Variants in PODXL observed in about 807,000 individuals in gnomAD.
PODXL encodes podocalyxin.
PODXL carries 20 observed loss-of-function variants against 48.9 expected under a neutral mutation model. That is an observed-to-expected ratio of 0.41 (90% CI 0.29 to 0.59). The LOEUF (loss-of-function observed/expected upper bound fraction) is 0.59, where lower values mean the gene tolerates loss of function less well. Ranked by LOEUF, PODXL falls within the 20% of genes least tolerant of loss-of-function variation. The probability of loss-of-function intolerance (pLI) is 0.31; values close to 1 mark genes in which losing one functional copy is unlikely to be tolerated. For missense variants in PODXL, 606 were observed against 675.1 expected, an observed-to-expected ratio of 0.90 and a Z score of 1.13; for synonymous variants, 295 against 287.4, an observed-to-expected ratio of 1.03 and a Z score of -0.27.
At position 131,500,412 on chromosome 7, in the gene PODXL, A is replaced by ACAT. The variant is rs1267399858; in HGVS notation, c.*3896_*3898dup. 1.3e-5 allele frequency: 2 copies of ACAT among 152,670 alleles called. No individual in the cohort carries two copies. The highest frequency in any genetic ancestry group is 3.8e-4 in the East Asian group (2 of 5,202). The allele number at this position is 152,670 out of a possible 1,614,324, so 9.5% of individuals were successfully genotyped here. ...GTACTTCAGACCCCTGTCCACTAAG[A>ACAT]CATATATGATCCCCCAGTTCCTGGG... On this transcript the variant is annotated 3_prime_UTR_variant, in exon 9 of 9. Coordinates refer to ENST00000378555, the MANE Select transcript of PODXL (RefSeq NM_001018111.3).
intron 1 of PODXL, among the ~76,000 whole-genome samples, chr7:131,522,122 C>G (rs1216548796): frequency 1.3e-5 from 2 of 152,214 alleles, no homozygotes; most frequent in Non-Finnish European, 2.9e-5. Flanking sequence ...GTCCCCTCCC[C>G]TGTTCCACAA....
At chr7:131,543,501 T>C (rs1418211349) in intron 1 of PODXL, among the ~76,000 whole-genome samples, 1 of 152,062 alleles carries the variant, frequency 6.6e-6, no homozygotes, top group Non-Finnish European at 1.5e-5. Context: ...ATGTTACAGC[T>C]AGAGGAAGCC....
At chr7:131,538,192 C>A (rs1043609018) in intron 1 of PODXL, among the ~76,000 whole-genome samples, 5 of 152,092 alleles carry the variant, frequency 3.3e-5, no homozygotes, top group Non-Finnish European at 7.4e-5. Context: ...GGAGGATGAC[C>A]CCCCTACCCC....
At position 131,500,559 on chromosome 7, in the gene PODXL, C is replaced by T. The variant is rs1797682179; in HGVS notation, c.*3752G>A. 1 of 152,424 alleles carries T rather than the reference C, an allele frequency of 6.6e-6. No homozygotes were observed. The highest frequency in any genetic ancestry group is 6.5e-5 in the Admixed American group (1 of 15,286). The allele number at this position is 152,424 out of a possible 1,614,324, so 9.4% of individuals were successfully genotyped here. On this transcript the variant is annotated 3_prime_UTR_variant, in exon 9 of 9. Coordinates refer to ENST00000378555, the MANE Select transcript of PODXL (RefSeq NM_001018111.3). ...AGTGACCGTGACAAAAGCTATGCTA[C>T]AGTTTTACTCTTGCCCTCTCTGCCT...
chr7:131,533,129 C>T (rs897408029), intron 1 of PODXL, among the ~76,000 whole-genome samples: 3 of 152,220 alleles, frequency 2.0e-5, no homozygotes, highest in Non-Finnish European at 4.4e-5. Context: ...GGGTCCCCAA[C>T]GTGCGCCCCT....
chr7:131,526,507 GA>G (rs35150183), intron 1 of PODXL, among the ~76,000 whole-genome samples: 76 of 144,970 alleles, frequency 5.2e-4, no homozygotes, highest in African/African-American at 1.5e-3. Context: ...GCATTTTACA[GA>G]AAAAAAAAAA....
rs1244245303 is a variant in PODXL, at chr7:131,502,311, T to TG, written c.*1999dup. 1 of 152,238 alleles carries TG rather than the reference T, an allele frequency of 6.6e-6. No homozygotes were observed. The highest frequency in any genetic ancestry group is 1.5e-5 in the Non-Finnish European group (1 of 68,066). 9.4% of individuals were successfully genotyped at this position (152,238 alleles called of 1,614,324 possible). ...CCCAAACAGGCACTGTTCTCCATCC[T>TG]GCCCACCTCCAAACACTAGAGCATC... is the stretch of plus-strand genomic sequence containing the variant. On this transcript the variant is annotated 3_prime_UTR_variant, in exon 9 of 9. Coordinates refer to ENST00000378555, the MANE Select transcript of PODXL (RefSeq NM_001018111.3).
chr7:131,551,525 A>C (rs930514718), intron 1 of PODXL, among the ~76,000 whole-genome samples: 2 of 152,224 alleles, frequency 1.3e-5, no homozygotes, highest in African/African-American at 4.8e-5. Context: ...AGCCCTGAAG[A>C]GGGCCTCTGC....
chr7:131,506,733 T>C lies in PODXL; in HGVS notation c.1102-7A>G. 1 of 1,614,012 alleles carries C rather than the reference T, an allele frequency of 6.2e-7. No homozygotes were observed. The highest frequency in any genetic ancestry group is 8.5e-7 in the Non-Finnish European group (1 of 1,179,948). On this transcript the variant is annotated splice_polypyrimidine_tract_variant and splice_region_variant and intron_variant, in intron 5 of 8. Transcript: ENST00000378555. ...CATCCGAAGCGCCCCCTGCCTATGG[T>C]GGGGAGAGCGCAGGTGACTCCGCGG...
Position 131,556,318 on chromosome 7 carries a change from C to G in PODXL, c.42G>C (p.Leu14Phe). ...ACGACGGCAGCAGCGGCGGCGTTGA[C>G]AACAGTAGCAGCAGCGCCGAGAGCG... The part of the protein sequence containing the change: ...ALALSALLLL[L>F]STPPLLPSSP... The change falls in exon 1 of 9, where the codon TTG becomes TTC. Residue 14 changes from leucine to phenylalanine, a missense_variant. Physicochemically the swap from Leu to Phe is conservative, Grantham distance 22. Coordinates refer to ENST00000378555, the MANE Select transcript of PODXL (RefSeq NM_001018111.3). The G allele has an allele frequency of 1.3e-6, 2 of 1,506,284 alleles. No individual in the cohort carries two copies. The highest frequency in any genetic ancestry group is 1.8e-6 in the Non-Finnish European group (2 of 1,131,206). 93.3% of individuals were successfully genotyped at this position (1,506,284 alleles called of 1,614,324 possible). A position where few individuals can be genotyped will look rare whatever the true frequency, so the allele number is the denominator to read the frequency against.
At chr7:131,517,954 G>A (rs1798029199) in intron 1 of PODXL, among the ~76,000 whole-genome samples, 1 of 152,122 alleles carries the variant, frequency 6.6e-6, no homozygotes, top group Admixed American at 6.5e-5. Flanking sequence ...GGCCAGGCTG[G>A]TCTCGAACTC....
At chr7:131,548,518 G>A (rs1798618888) in intron 1 of PODXL, among the ~76,000 whole-genome samples, 2 of 152,248 alleles carry the variant, frequency 1.3e-5, no homozygotes, top group Non-Finnish European at 1.5e-5. Flanking sequence ...GGAGCCACAT[G>A]CTTCTTGTTC....
chr7:131,506,425 AGT>A, intron 6 of PODXL, 104 bp from the exon 7 acceptor site: 1 of 1,459,884 alleles, frequency 6.8e-7, no homozygotes, highest in South Asian at 1.1e-5. Context: ...CAGTCTCCTG[AGT>A]GTCTCTCGGG....
chr7:131,529,387 A>G (rs1241110258), intron 1 of PODXL, among the ~76,000 whole-genome samples: 1 of 152,098 alleles, frequency 6.6e-6, no homozygotes, highest in Admixed American at 6.5e-5. Flanking sequence ...GCCTGCTTCA[A>G]TCTTCAAGGA....
chr7:131,501,725 C>G lies in PODXL; in HGVS notation c.*2586G>C, dbSNP rs1049120140. 1 of 152,188 alleles carries G rather than the reference C, an allele frequency of 6.6e-6. No individual in the cohort carries two copies. Among genetic ancestry groups the G allele is most frequent in the Non-Finnish European group, 1.5e-5 (1 of 68,030 alleles). The allele number at this position is 152,188 out of a possible 1,614,324, so 9.4% of individuals were successfully genotyped here. On this transcript the variant is annotated 3_prime_UTR_variant, in exon 9 of 9. Transcript: ENST00000378555. ...GTCATGCTGAGCTTCTAGTGTTCCT[C>G]TTACCTCTTCCCAGACCCAATGCTC...
chr7:131,509,011 A>G lies in PODXL; in HGVS notation c.1041T>C (p.Leu347=). ...HESNWAKCED[L]ETQTQSEKQL... is the part of the protein sequence containing the mutation. ...GCTTCTCACTCTGTGTCTGTGTCTC[A>G]AGATCCTCACACTTTGCCTGGAAGA... The change falls in exon 5 of 9, where the codon CTT becomes CTC. Residue 347 remains leucine (L), a synonymous_variant. Coordinates refer to ENST00000378555, the MANE Select transcript of PODXL (RefSeq NM_001018111.3). The G allele has an allele frequency of 6.2e-7, 1 of 1,613,758 alleles. No homozygotes were observed. Among genetic ancestry groups the G allele is most frequent in the Non-Finnish European group, 8.5e-7 (1 of 1,179,690 alleles).
At chr7:131,508,628 G>C (rs1238548124) in intron 5 of PODXL, among the ~76,000 whole-genome samples, 1 of 149,208 alleles carries the variant, frequency 6.7e-6, no homozygotes, top group African/African-American at 2.5e-5. Flanking sequence ...CCCAGAGCTA[G>C]GGGCAAACAG....
chr7:131,539,023 G>T (rs1798429526), intron 1 of PODXL, among the ~76,000 whole-genome samples: 1 of 152,208 alleles, frequency 6.6e-6, no homozygotes, highest in African/African-American at 2.4e-5. Context: ...CAGCTGGCAG[G>T]CGAGGACGGG....
intron 1 of PODXL, among the ~76,000 whole-genome samples, chr7:131,539,080 A>G (rs1798431144): frequency 6.6e-6 from 1 of 152,168 alleles, no homozygotes; most frequent in Non-Finnish European, 1.5e-5. Flanking sequence ...CCTGCCCAAG[A>G]TGGGCTCCCA....
Sources: gnomAD v4.1 joint callset for allele counts (sites outside exome capture counted in the v4.1 genomes callset) on GRCh38, gnomAD v4.1.1 for gene constraint, MANE v1.5 for transcripts, NCBI Gene and HGNC (gene_info 2026-07-23, HGNC 2026-07-21) for gene names.